The following CTIF variants were observed in gnomAD, a reference collection of about 807,000 sequenced individuals.
CTIF encodes the protein CBP80/20-dependent translation initiation factor.
A neutral mutation model predicts 66.0 loss-of-function variants in CTIF; 21 were observed. That is an observed-to-expected ratio of 0.32 (90% CI 0.23 to 0.46). CTIF has a LOEUF of 0.46. CTIF is among the 20% of genes least tolerant of loss of function. The pLI is 1.00. For missense variants in CTIF, 739 were observed against 812.7 expected, an observed-to-expected ratio of 0.91 and a Z score of 1.10; for synonymous variants, 345 against 326.4, an observed-to-expected ratio of 1.06 and a Z score of -0.62.
intron 1 of CTIF, among the ~76,000 whole-genome samples, chr18:48,560,533 G>GT (rs2089133573): frequency 6.6e-6 from 1 of 151,812 alleles, no homozygotes; most frequent in South Asian, 2.1e-4. Context: ...CTTGGAGGCT[G>GT]TTTTAACCAT....
chr18:48,608,926 T>A (rs1689468468), intron 1 of CTIF, among the ~76,000 whole-genome samples: 3 of 152,234 alleles, frequency 2.0e-5, no homozygotes, highest in Non-Finnish European at 2.9e-5. Context: ...CCACCACACT[T>A]GGATGCCCTT....
At chr18:48,691,203 A>G (rs2091920492) in intron 6 of CTIF, among the ~76,000 whole-genome samples, 1 of 152,190 alleles carries the variant, frequency 6.6e-6, no homozygotes, top group Non-Finnish European at 1.5e-5. Context: ...AGTATGGGAA[A>G]AGTCTCCCGG....
chr18:48,670,288 G>C (rs912131430), intron 5 of CTIF, among the ~76,000 whole-genome samples: 1 of 152,174 alleles, frequency 6.6e-6, no homozygotes, highest in African/African-American at 2.4e-5. Flanking sequence ...GCTAGCCCCT[G>C]CCAGCCTATG....
At chr18:48,706,433 C>G (rs1452354923) in intron 6 of CTIF, among the ~76,000 whole-genome samples, 1 of 152,082 alleles carries the variant, frequency 6.6e-6, no homozygotes, top group Non-Finnish European at 1.5e-5. Context: ...ACAGAGCCAC[C>G]CGGCACAATG....
At position 48,820,838 on chromosome 18, in the gene CTIF, G is replaced by A. The variant is rs11874145; in HGVS notation, c.1527+3462G>A. ...TGCTGAGGGTGAGGACAAACCCAAG[G>A]GATAGATGCAAAGTCCTCACCATCC... is the stretch of plus-strand genomic sequence containing the variant. On this transcript the variant is annotated intron_variant, in intron 10 of 11. Transcript: ENST00000256413. Among the ~76,000 whole-genome samples the A allele has an allele frequency of 7.9e-3, 1,196 of 152,314 alleles. 16 individuals carry two copies. Among genetic ancestry groups the A allele is most frequent in the African/African-American group, 0.027 (1,104 of 41,562 alleles).
At chr18:48,689,167 T>C (rs1386451565) in intron 6 of CTIF, among the ~76,000 whole-genome samples, 1 of 152,232 alleles carries the variant, frequency 6.6e-6, no homozygotes, top group Non-Finnish European at 1.5e-5. Flanking sequence ...CCTGTCCTCA[T>C]TGTTCTCTGT....
At chr18:48,631,295 C>T (rs1442348256) in intron 2 of CTIF, among the ~76,000 whole-genome samples, 1 of 152,180 alleles carries the variant, frequency 6.6e-6, no homozygotes, top group Non-Finnish European at 1.5e-5. Context: ...GAAACCCTGT[C>T]TCTACTAAAA....
chr18:48,706,540 C>A (rs1161510246), intron 6 of CTIF, among the ~76,000 whole-genome samples: 6 of 152,136 alleles, frequency 3.9e-5, no homozygotes, highest in Non-Finnish European at 7.4e-5. Flanking sequence ...CAGGGCAAGG[C>A]CTCGCACTCT....
At chr18:48,693,777 C>T (rs1333734274) in intron 6 of CTIF, among the ~76,000 whole-genome samples, 2 of 152,192 alleles carry the variant, frequency 1.3e-5, no homozygotes, top group East Asian at 3.8e-4. Context: ...ATAAATAAAG[C>T]TTTATTGGAA....
chr18:48,814,182 T>C (rs567425974), intron 9 of CTIF, among the ~76,000 whole-genome samples: 2 of 152,282 alleles, frequency 1.3e-5, no homozygotes, highest in African/African-American at 4.8e-5. Context: ...TTCATGGGTA[T>C]TTTTAGGGAA....
intron 2 of CTIF, among the ~76,000 whole-genome samples, chr18:48,623,989 ATG>A (rs1285802304): frequency 1.3e-5 from 2 of 152,048 alleles, no homozygotes; most frequent in Non-Finnish European, 2.9e-5. Context: ...AACCAAGACA[ATG>A]TGTGTTTTAA....
rs1320131165 is a variant in CTIF at position 48,619,695 on chromosome 18, A to G, written c.130A>G (p.Lys44Glu). ...EYQVQGLLAD[K>E]TEGDGESERT... ...CCAGGTGCAGGGGCTGCTGGCTGAC[A>G]AGACGGAGGGTGATGGCGAGAGCGA... The change falls in exon 2 of 12, where the codon AAG becomes GAG. Residue 44 changes from lysine to glutamate, a missense_variant. Around this residue, in one of 2 missense-constraint regions of CTIF, gnomAD observed 529 missense variants for 520.3 expected, o/e 1.02. Transcript: ENST00000256413. The G allele has an allele frequency of 6.2e-7, 1 of 1,608,346 alleles. No individual in the cohort carries two copies. The highest frequency in any genetic ancestry group is 1.7e-5 in the Admixed American group (1 of 59,266).
chr18:48,636,046 A>G (rs1198336620), intron 2 of CTIF, among the ~76,000 whole-genome samples: 1 of 152,170 alleles, frequency 6.6e-6, no homozygotes, highest in Non-Finnish European at 1.5e-5. Context: ...TCTCGTGCAG[A>G]TGGTTGTCAG....
intron 9 of CTIF, among the ~76,000 whole-genome samples, chr18:48,799,893 C>T (rs2068013246): frequency 6.6e-6 from 1 of 152,260 alleles, no homozygotes; most frequent in Non-Finnish European, 1.5e-5. Flanking sequence ...GAGGCAATCA[C>T]TGAACGCATA....
intron 3 of CTIF, chr18:48,662,370 C>CCTGCAGG (rs11282319): frequency 0.84 from 126,642 of 149,926 alleles, 53,392 homozygotes; most frequent in East Asian, 0.92. Context: ...GTTACTTAGA[C>CCTGCAGG]CTGCAGGCTG....
At chr18:48,663,697 C>T (rs1055197020) in intron 3 of CTIF, 55 bp from the exon 4 acceptor site, 45 of 1,549,498 alleles carry the variant, frequency 2.9e-5, no homozygotes, top group Non-Finnish European at 3.9e-5. Flanking sequence ...GCCCCGTGTT[C>T]TCAGCATCCT....
chr18:48,569,081 A>T lies in CTIF; in HGVS notation c.-29+29769A>T, dbSNP rs1437850305. On this transcript the variant is annotated intron_variant, in intron 1 of 11. Coordinates refer to ENST00000256413, the MANE Select transcript of CTIF (RefSeq NM_014772.3). ...GTCTGTGTCCCAGCCTCCTCCTCTCATAAGGACACCATTCAAACTGAATTA... is the reference window on the plus strand; with the variant it reads ...GTCTGTGTCCCAGCCTCCTCCTCTCTTAAGGACACCATTCAAACTGAATTA... Among the ~76,000 whole-genome samples the T allele has an allele frequency of 7.2e-5, 11 of 152,304 alleles. No homozygotes were observed. In the East Asian group the frequency reaches 1.7e-3, roughly 24 times the overall value.
At chr18:48,702,143 G>A (rs78436314) in intron 6 of CTIF, among the ~76,000 whole-genome samples, 11,731 of 152,216 alleles carry the variant, frequency 0.077, 627 homozygotes, top group Non-Finnish European at 0.12. Flanking sequence ...TAGGATCCGG[G>A]TCACCCAAAG....
intron 7 of CTIF, among the ~76,000 whole-genome samples, chr18:48,734,519 T>C (rs940893525): frequency 3.9e-5 from 6 of 152,124 alleles, no homozygotes; most frequent in African/African-American, 9.7e-5. Flanking sequence ...TGAGCCAAGA[T>C]TGCACCACTG....
Sources: gnomAD v4.1 joint callset for allele counts (sites outside exome capture counted in the v4.1 genomes callset) on GRCh38, gnomAD v4.1.1 for gene constraint, gnomAD v4.1.1 regional missense constraint, MANE v1.5 for transcripts, NCBI Gene and HGNC (gene_info 2026-07-23, HGNC 2026-07-21) for gene names.